Variants in DNAH1 observed in about 807,000 individuals in gnomAD.
DNAH1 encodes the protein dynein axonemal heavy chain 1.
A neutral mutation model predicts 484.3 loss-of-function variants in DNAH1; 327 were observed. The observed-to-expected ratio is 0.68, with a 90% CI of 0.62 to 0.74. The LOEUF is 0.74. Among genes scored for constraint, DNAH1 ranks in the 30% least tolerant of loss-of-function variants. The pLI, the probability that DNAH1 is intolerant of heterozygous loss-of-function variation, is 0.00. For missense variants in DNAH1, 5,052 were observed against 5,546.8 expected, an observed-to-expected ratio of 0.91 and a Z score of 2.83; for synonymous variants, 2,192 against 2,191.9, an observed-to-expected ratio of 1.00 and a Z score of 0.00.
chr3:52,386,044 G>A, intron 54 of DNAH1, 116 bp from the exon 55 acceptor site: 1 of 1,218,034 alleles, frequency 8.2e-7, no homozygotes, highest in Non-Finnish European at 1.1e-6. Context: ...TCTCTGGCCT[G>A]TCACAGCTGG....
At position 52,353,821 on chromosome 3, in the gene DNAH1, G is replaced by A; in HGVS notation, c.3480+188G>A. The A allele has an allele frequency of 1.3e-6, 1 of 762,918 alleles. No homozygotes were observed. Among genetic ancestry groups the A allele is most frequent in the Non-Finnish European group, 2.1e-6 (1 of 486,550 alleles). The allele number at this position is 762,918 out of a possible 1,614,324, so 47.3% of individuals were successfully genotyped here. A position where few individuals can be genotyped will look rare whatever the true frequency, so the allele number is the denominator to read the frequency against. ...TAATGCACATAAAATTCTTGACAGT[G>A]TCCACCATTGCTATTATTTTTCAGT... On this transcript the variant is annotated intron_variant, in intron 20 of 77. Coordinates refer to ENST00000420323, the MANE Select transcript of DNAH1 (RefSeq NM_015512.5). This position sits in a 1 kb window ranked among gnomAD's most constrained non-coding sequence, Gnocchi z 5.0.
chr3:52,312,352 A>G (rs186472456), upstream of DNAH1, among the ~76,000 whole-genome samples: 925 of 152,228 alleles, frequency 6.1e-3, 10 homozygotes, highest in African/African-American at 0.02. Flanking sequence ...CTGTTGGACC[A>G]CATGGAGACC....
rs182819462 is a variant in DNAH1 at position 52,363,374 on chromosome 3, G to A, written c.5244+230G>A. Among the ~76,000 whole-genome samples, 148 of 152,370 alleles carry A rather than the reference G, an allele frequency of 9.7e-4. 1 individual carries two copies. The highest frequency in any genetic ancestry group is 3.4e-3 in the African/African-American group (141 of 41,588). On this transcript the variant is annotated intron_variant, in intron 32 of 77. Transcript: ENST00000420323. ...CCAGGCTCATGCAGTACACAGCAGC[G>A]CTGGAGCAGGAGCCAGGAACAGATG...
chr3:52,320,771 A>G (rs913758676), intron 1 of DNAH1, among the ~76,000 whole-genome samples: 4 of 150,838 alleles, frequency 2.7e-5, no homozygotes, highest in African/African-American at 9.8e-5. Context: ...TCCTTTCATT[A>G]AGATGCTTTC....
At position 52,354,844 on chromosome 3, in the gene DNAH1, C is replaced by A. The variant is rs369563548; in HGVS notation, c.3482C>A (p.Ala1161Glu). Reference sequence around the variant, plus strand: ...AGCCTGGCTTGTCCCCGACCCCAGGCACTGGACAAGATGGAGAAGGAGTGG... The same window carrying A: ...AGCCTGGCTTGTCCCCGACCCCAGGAACTGGACAAGATGGAGAAGGAGTGG... ...VAGKEYAIEQ[A>E]LDKMEKEWST... The change falls in exon 21 of 78, where the codon GCA (alanine) becomes GAA (glutamate). Residue 1161 changes from alanine (A) to glutamate (E), a missense_variant and splice_region_variant. Physicochemically the swap from Ala to Glu is moderately radical, Grantham distance 107. Coordinates refer to ENST00000420323, the MANE Select transcript of DNAH1 (RefSeq NM_015512.5). The A allele has an allele frequency of 3.7e-6, 6 of 1,613,312 alleles. No individual in the cohort carries two copies. The African/African-American group carries it at 8.0e-5, about 22-fold the overall frequency.
rs1373981051 is a variant in DNAH1, at chr3:52,349,362, C to T, written c.2468C>T (p.Ala823Val). The T allele has an allele frequency of 3.7e-6, 6 of 1,614,002 alleles. No homozygotes were observed. Among genetic ancestry groups the T allele is most frequent in the Non-Finnish European group, 5.1e-6 (6 of 1,179,890 alleles). ...CAGAGCCTGTCCAAGAAACGCAAGG[C>T]CCTGGCCACTTCCGTGCTGGACATC... ...VKQSLSKKRK[A>V]LATSVLDILA... is the part of the protein sequence containing the mutation. The change falls in exon 14 of 78, where the codon GCC (alanine) becomes GTC (valine). Residue 823 changes from alanine to valine, a missense_variant. By Grantham distance (64) the Ala-to-Val change is moderately conservative. This residue lies in a region of DNAH1 where 1,263 missense variants were observed against 1,218.8 expected (regional missense o/e 1.04). Transcript: ENST00000420323.
intron 8 of DNAH1, among the ~76,000 whole-genome samples, chr3:52,344,000 C>G (rs1702045198): frequency 6.6e-6 from 1 of 152,192 alleles, no homozygotes. Context: ...GTGCAGGGGT[C>G]ACCCACCCTC....
rs1325228652 is a variant in DNAH1 at position 52,361,179 on chromosome 3, G to A, written c.4701G>A (p.Leu1567=). ...TCTCCTGCAGGTGCTACCTGACACT[G>A]ACCGGAGCTCTGCACCTCAAGTTTG... The part of the protein sequence containing the change: ...TPLTDRCYLT[L]TGALHLKFGG... The change falls in exon 29 of 78, where the codon CTG becomes CTA. Residue 1567 remains leucine (L), a synonymous_variant. Coordinates refer to ENST00000420323, the MANE Select transcript of DNAH1 (RefSeq NM_015512.5). This position sits in a 1 kb window ranked among gnomAD's most constrained non-coding sequence, Gnocchi z 5.6. The A allele has an allele frequency of 8.1e-6, 13 of 1,609,616 alleles. No homozygotes were observed. Among genetic ancestry groups the A allele is most frequent in the Non-Finnish European group, 1.0e-5 (12 of 1,178,268 alleles).
intron 36 of DNAH1, 147 bp downstream of exon 36, chr3:52,367,034 T>C: frequency 1.0e-6 from 1 of 993,700 alleles, no homozygotes; most frequent in Non-Finnish European, 1.4e-6. Context: ...TTCTACTTCC[T>C]CGCTGAGTGA....
Position 52,364,955 on chromosome 3 carries a change from C to CT in DNAH1, c.5455dup (p.Tyr1819LeufsTer6). 6.2e-7 allele frequency: 1 copy of CT among 1,613,954 alleles called. No individual in the cohort carries two copies. Among genetic ancestry groups the CT allele is most frequent in the Non-Finnish European group, 8.5e-7 (1 of 1,179,856 alleles). ...CCACCATCAAGGAGGAGGACACGGA[C>CT]TACGGCATCCTGGATGAGGCCATCC... is the stretch of plus-strand genomic sequence containing the variant. On this transcript the variant is annotated frameshift_variant, in exon 34 of 78. Transcript: ENST00000420323. LOFTEE classifies it high-confidence loss of function. The surrounding 1 kb of genome is among the most constrained non-coding windows in gnomAD (Gnocchi z 4.2).
At chr3:52,398,226 A>T in intron 75 of DNAH1, 64 bp downstream of exon 75, 2 of 1,531,138 alleles carry the variant, frequency 1.3e-6, no homozygotes, top group Non-Finnish European at 1.8e-6. Context: ...AAATGACAAC[A>T]GGGGTTACTA....
intron 16 of DNAH1, 110 bp downstream of exon 16, chr3:52,350,700 C>A: frequency 1.0e-6 from 1 of 998,848 alleles, no homozygotes. Context: ...GCAATCTCCC[C>A]AGAAACACCC....
Position 52,379,928 on chromosome 3 carries a change from G to A in DNAH1, c.7401G>A (p.Leu2467=), listed in dbSNP as rs1703767830. ...KVEDQVQLLR[L]WYHENCRVFR... is the part of the protein sequence containing the mutation. ...AGGACCAAGTGCAGCTGCTGCGACT[G>A]TGGTATCACGAGAACTGCCGCGTGT... Residue 2467 remains leucine (L), a synonymous_variant, in exon 48 of 78, where the codon CTG becomes CTA. Coordinates refer to ENST00000420323, the MANE Select transcript of DNAH1 (RefSeq NM_015512.5). The surrounding 1 kb of genome is among the most constrained non-coding windows in gnomAD (Gnocchi z 4.4). 2 of 1,569,568 alleles carry A rather than the reference G, an allele frequency of 1.3e-6. No homozygotes were observed. Among genetic ancestry groups the A allele is most frequent in the African/African-American group, 2.7e-5 (2 of 73,698 alleles).
chr3:52,396,386 C>T lies in DNAH1; in HGVS notation c.11278C>T (p.Leu3760Phe). 2 of 1,582,244 alleles carry T rather than the reference C, an allele frequency of 1.3e-6. No individual in the cohort carries two copies. The highest frequency in any genetic ancestry group is 1.7e-6 in the Non-Finnish European group (2 of 1,164,808). The change falls in exon 71 of 78, where the codon CTC (leucine) becomes TTC (phenylalanine). Residue 3760 changes from leucine (L) to phenylalanine (F), a missense_variant. Transcript: ENST00000420323. ...CCACCAGGTACACAGGGACTTCCGCCTCTGGCTCACCAGCCTGCCCAGCAA... is the reference window on the plus strand; with the variant it reads ...CCACCAGGTACACAGGGACTTCCGCTTCTGGCTCACCAGCCTGCCCAGCAA... ...NPDKVHRDFR[L>F]WLTSLPSNKF...
chr3:52,323,884 A>C lies in DNAH1; in HGVS notation c.406+4A>C. The C allele has an allele frequency of 6.4e-7, 1 of 1,568,514 alleles. No homozygotes were observed. Among genetic ancestry groups the C allele is most frequent in the Non-Finnish European group, 8.6e-7 (1 of 1,156,328 alleles). The stretch of plus-strand genomic sequence containing the variant: ...CTTGACAAGTTCACCCCAAGAGGTC[A>C]GTGCTCAGGAGGGCTGTGTGAGTGG... On this transcript the variant is annotated splice_donor_region_variant and intron_variant, in intron 3 of 77. Coordinates refer to ENST00000420323, the MANE Select transcript of DNAH1 (RefSeq NM_015512.5).
At chr3:52,396,092 C>T (rs1362653148) in intron 70 of DNAH1, among the ~76,000 whole-genome samples, 1 of 152,114 alleles carries the variant, frequency 6.6e-6, no homozygotes, top group Non-Finnish European at 1.5e-5. Flanking sequence ...CGCCACTATG[C>T]CCAGCTAATT....
chr3:52,312,011 C>T (rs1196733787), upstream of DNAH1, among the ~76,000 whole-genome samples: 1 of 152,250 alleles, frequency 6.6e-6, no homozygotes, highest in African/African-American at 2.4e-5. Context: ...CAAGCTCCCT[C>T]CCCAGGGCAG....
chr3:52,330,485 C>T (rs1305513721), intron 6 of DNAH1, among the ~76,000 whole-genome samples: 1 of 152,222 alleles, frequency 6.6e-6, no homozygotes, highest in Non-Finnish European at 1.5e-5. Context: ...AAGCCGAGGG[C>T]ACAGGCAGTG....
rs1704692651 is a variant in DNAH1, at chr3:52,397,621, A to G, written c.11788-86A>G. 5 of 1,265,976 alleles carry G rather than the reference A, an allele frequency of 3.9e-6. No individual in the cohort carries two copies. In the Middle Eastern group the frequency reaches 5.9e-4, roughly 148 times the overall value. The allele number at this position is 1,265,976 out of a possible 1,614,324, so 78.4% of individuals were successfully genotyped here. ...GGAGTGACAAGTGGGGAATGTGACA[A>G]GTGGGGATGTGCTCCATTGGAGGGT... On this transcript the variant is annotated intron_variant, in intron 73 of 77. Transcript: ENST00000420323.
Sources: gnomAD v4.1 joint callset for allele counts (sites outside exome capture counted in the v4.1 genomes callset) on GRCh38, gnomAD v4.1.1 for gene constraint, gnomAD v4.1.1 regional missense constraint, Gnocchi (gnomAD v3.1) non-coding constraint, MANE v1.5 for transcripts, NCBI Gene and HGNC (gene_info 2026-07-23, HGNC 2026-07-21) for gene names.